RIC1: variants seen among roughly 807,000 people sequenced by gnomAD.
RIC1 encodes the protein RIC1 partner of RAB6A GEF complex, also known as guanine nucleotide exchange factor subunit RIC1.
In RIC1, 88 loss-of-function variants were observed where a neutral mutation model predicts 169.0. That is an observed-to-expected ratio of 0.52 (90% CI 0.44 to 0.62). The LOEUF (loss-of-function observed/expected upper bound fraction) is 0.62, where lower values mean the gene tolerates loss of function less well. Ranked by LOEUF, RIC1 falls within the 20% of genes least tolerant of loss-of-function variation. RIC1 has a pLI of 0.00. For missense variants in RIC1, 1,877 were observed against 1,725.5 expected (o/e 1.09, Z -1.56); for synonymous variants, 790 against 601.5 (o/e 1.31, Z -4.59).
At chr9:5,753,151 T>G (rs1825819127) in intron 12 of RIC1, 49 bp from the exon 13 acceptor site, 3 of 1,509,148 alleles carry the variant, frequency 2.0e-6, no homozygotes, top group Non-Finnish European at 1.8e-6. Context: ...TGCTTTAAGT[T>G]TAAATATATT....
chr9:5,725,942 G>T lies in RIC1; in HGVS notation c.720+5192G>T, dbSNP rs201060056. Among the ~76,000 whole-genome samples the T allele has an allele frequency of 3.1e-4, 47 of 152,150 alleles. No individual in the cohort carries two copies. In the South Asian group the frequency reaches 8.9e-3, roughly 29 times the overall value. On this transcript the variant is annotated intron_variant, in intron 6 of 25. Coordinates refer to ENST00000414202, the MANE Select transcript of RIC1 (RefSeq NM_020829.4). ...GAGAGACAGTTGGTTATAATTTCTG[G>T]TTTTTTACATTTGCTGAGGGGTACT...
chr9:5,695,143 A>G (rs1187518082), intron 3 of RIC1, among the ~76,000 whole-genome samples: 2 of 152,232 alleles, frequency 1.3e-5, no homozygotes, highest in Admixed American at 6.5e-5. Flanking sequence ...GATGACATAT[A>G]AAAGGATCTC....
chr9:5,687,175 T>C (rs942489148), intron 2 of RIC1, among the ~76,000 whole-genome samples: 1 of 152,212 alleles, frequency 6.6e-6, no homozygotes, highest in Admixed American at 6.5e-5. Context: ...CTAGAATTTG[T>C]AGTGATATCA....
At position 5,660,048 on chromosome 9, in the gene RIC1, C is replaced by G. The variant is rs145276318; in HGVS notation, c.252+3358C>G. Among the ~76,000 whole-genome samples the G allele has an allele frequency of 8.5e-5, 13 of 152,238 alleles. No homozygotes were observed. The East Asian group carries it at 2.5e-3, about 29-fold the overall frequency. On this transcript the variant is annotated intron_variant, in intron 2 of 25. Coordinates refer to ENST00000414202, the MANE Select transcript of RIC1 (RefSeq NM_020829.4). Reference sequence around the variant, plus strand: ...CAGACCCCAGTGTATGTTGTTTCCCCCATGTGTCCATATGTTCTCATCATT... The same window carrying G: ...CAGACCCCAGTGTATGTTGTTTCCCGCATGTGTCCATATGTTCTCATCATT...
In RIC1 at chr9:5,763,399, C is replaced by T; in HGVS notation, c.2372C>T (p.Ala791Val). 1 of 1,614,152 alleles carries T rather than the reference C, an allele frequency of 6.2e-7. No homozygotes were observed. Among genetic ancestry groups the T allele is most frequent in the Admixed American group, 1.7e-5 (1 of 60,014 alleles). Residue 791 changes from alanine to valine, a missense_variant, in exon 19 of 26, where the codon GCT becomes GTT. Ala to Val is a moderately conservative substitution (Grantham distance 64). Transcript: ENST00000414202. The surrounding 1 kb of genome is among the most constrained non-coding windows in gnomAD (Gnocchi z 5.2). ...VLFEDALVLGAVNDTLLYDSL... is the reference protein window; with the variant it reads ...VLFEDALVLGVVNDTLLYDSL... ...TTTGAAGATGCTTTAGTCCTTGGTG[C>T]TGTCAATGACACTTTGCTCTATGAT...
intron 2 of RIC1, among the ~76,000 whole-genome samples, chr9:5,662,722 C>T (rs1563878613): frequency 6.6e-6 from 1 of 152,030 alleles, no homozygotes; most frequent in Non-Finnish European, 1.5e-5. Flanking sequence ...TTTAAATCTT[C>T]TCTTTTCTTC....
In RIC1 at chr9:5,757,951, TTAAGTC is replaced by T. The variant is rs965128094; in HGVS notation, c.1992+504_1992+509del. Among the ~76,000 whole-genome samples the T allele has an allele frequency of 9.9e-5, 15 of 152,262 alleles. No individual in the cohort carries two copies. In the South Asian group the frequency reaches 2.1e-3, roughly 21 times the overall value. On this transcript the variant is annotated intron_variant, in intron 17 of 25. Coordinates refer to ENST00000414202, the MANE Select transcript of RIC1 (RefSeq NM_020829.4). ...TAGATAATATTGATAATTTTAGACTTTAAGTCTAAAGTGTTTTAAGGTAGGTATTAT... is the reference window on the plus strand; with the variant it reads ...TAGATAATATTGATAATTTTAGACTTTAAAGTGTTTTAAGGTAGGTATTAT...
At chr9:5,746,197 C>G (rs1404527761) in intron 11 of RIC1, 114 bp downstream of exon 11, 1 of 638,704 alleles carries the variant, frequency 1.6e-6, no homozygotes, top group Non-Finnish European at 2.5e-6. Flanking sequence ...ATCTTCTTTT[C>G]TATGATTCTT....
At chr9:5,651,313 G>A (rs1197396991) in intron 1 of RIC1, among the ~76,000 whole-genome samples, 2 of 151,842 alleles carry the variant, frequency 1.3e-5, no homozygotes, top group Non-Finnish European at 2.9e-5. Flanking sequence ...TTCCAGTGTT[G>A]TGTCTTAGAT....
At chr9:5,758,379 C>T (rs1385287451) in intron 17 of RIC1, among the ~76,000 whole-genome samples, 2 of 152,158 alleles carry the variant, frequency 1.3e-5, no homozygotes, top group Non-Finnish European at 2.9e-5. Context: ...CTTTTACTTC[C>T]TATCGAGGCA....
chr9:5,650,305 C>G (rs1818731213), intron 1 of RIC1, among the ~76,000 whole-genome samples: 1 of 152,028 alleles, frequency 6.6e-6, no homozygotes, highest in East Asian at 1.9e-4. Flanking sequence ...TCAGGCTTCC[C>G]TGTAGGAGTG....
chr9:5,723,404 G>T (rs1438141563), intron 6 of RIC1, among the ~76,000 whole-genome samples: 1 of 152,156 alleles, frequency 6.6e-6, no homozygotes, highest in Non-Finnish European at 1.5e-5. Context: ...TGATGGGGTG[G>T]TTTGATTTTT....
At chr9:5,651,276 G>C (rs548360877) in intron 1 of RIC1, among the ~76,000 whole-genome samples, 2 of 152,208 alleles carry the variant, frequency 1.3e-5, no homozygotes, top group African/African-American at 2.4e-5. Flanking sequence ...CCTTGCTTTA[G>C]GTGTTTCCTG....
chr9:5,747,551 A>G (rs1452864456), intron 12 of RIC1, 46 bp downstream of exon 12: 1 of 1,460,986 alleles, frequency 6.8e-7, no homozygotes, highest in Non-Finnish European at 9.6e-7. Flanking sequence ...CTTTGATAGG[A>G]TATCACCTGG....
In RIC1 at chr9:5,747,315, A is replaced by T; in HGVS notation, c.1262A>T (p.Gln421Leu). The part of the protein sequence containing the change: ...TVNPCMSNQE[Q>L]VLLQGEDRLY... ...TCCCTCATTTAGAGTAACCAAGAGC[A>T]GGTGTTGCTTCAGGGTGAGGATCGC... Residue 421 changes from glutamine (Q) to leucine (L), a missense_variant, in exon 12 of 26, where the codon CAG becomes CTG. By Grantham distance (113) the Gln-to-Leu change is moderately radical (BLOSUM62 -2). Transcript: ENST00000414202. 1.2e-6 allele frequency: 2 copies of T among 1,613,940 alleles called. No individual in the cohort carries two copies. Among genetic ancestry groups the T allele is most frequent in the Non-Finnish European group, 1.7e-6 (2 of 1,179,820 alleles).
intron 6 of RIC1, among the ~76,000 whole-genome samples, chr9:5,724,672 T>G (rs1823839474): frequency 6.6e-6 from 1 of 152,234 alleles, no homozygotes; most frequent in Non-Finnish European, 1.5e-5. Context: ...TTTTTGCCCA[T>G]TCAGTATGAT....
chr9:5,740,404 C>T (rs1176094158), intron 8 of RIC1, among the ~76,000 whole-genome samples: 1 of 151,888 alleles, frequency 6.6e-6, no homozygotes, highest in Non-Finnish European at 1.5e-5. Context: ...TAGAATCACT[C>T]CTGGTACCAA....
chr9:5,669,054 G>T (rs1397256859), intron 2 of RIC1, among the ~76,000 whole-genome samples: 1 of 152,208 alleles, frequency 6.6e-6, no homozygotes, highest in Non-Finnish European at 1.5e-5. Flanking sequence ...CTGGGGTTCT[G>T]CTCCTTGATT....
chr9:5,703,943 A>C (rs1822398808), intron 3 of RIC1, among the ~76,000 whole-genome samples: 1 of 152,162 alleles, frequency 6.6e-6, no homozygotes, highest in South Asian at 2.1e-4. Flanking sequence ...TGGTAATTCT[A>C]TGTTTAACTT....
Sources: gnomAD v4.1 joint callset for allele counts (sites outside exome capture counted in the v4.1 genomes callset) on GRCh38, gnomAD v4.1.1 for gene constraint, Gnocchi (gnomAD v3.1) non-coding constraint, MANE v1.5 for transcripts, NCBI Gene and HGNC (gene_info 2026-07-23, HGNC 2026-07-21) for gene names.